LPGAT1: variants seen among roughly 807,000 people sequenced by gnomAD.
The protein encoded by LPGAT1 is acyl-CoA:lysophosphatidylglycerol acyltransferase 1.
In LPGAT1, 11 loss-of-function variants were observed where a neutral mutation model predicts 47.5. The ratio of observed to expected loss-of-function variants is 0.23; its 90% confidence interval spans 0.15 to 0.38. LPGAT1 has a LOEUF of 0.38. Among genes scored for constraint, LPGAT1 ranks in the 10% least tolerant of loss-of-function variants. The pLI is 1.00. For missense variants in LPGAT1, 293 were observed against 439.0 expected (o/e 0.67, Z 2.97); for synonymous variants, 138 against 144.2 (o/e 0.96, Z 0.31).
intron 2 of LPGAT1, among the ~76,000 whole-genome samples, chr1:211,817,389 T>C (rs1242718412): frequency 2.0e-5 from 3 of 152,206 alleles, no homozygotes; most frequent in East Asian, 1.9e-4. Flanking sequence ...CTGGCCAACA[T>C]GGCAAAACCT....
intron 6 of LPGAT1, among the ~76,000 whole-genome samples, chr1:211,778,449 C>T (rs1320076111): frequency 6.6e-6 from 1 of 152,026 alleles, no homozygotes; most frequent in Non-Finnish European, 1.5e-5. Context: ...ACCAGCAGCC[C>T]CCAGGGCTGT....
intron 2 of LPGAT1, among the ~76,000 whole-genome samples, chr1:211,809,856 A>C (rs957390466): frequency 2.0e-5 from 3 of 152,158 alleles, no homozygotes; most frequent in Admixed American, 6.6e-5. Context: ...AGAACAGACT[A>C]ATACAATTCC....
intron 6 of LPGAT1, among the ~76,000 whole-genome samples, chr1:211,769,383 G>C (rs1421238646): frequency 6.6e-6 from 1 of 152,156 alleles, no homozygotes; most frequent in Non-Finnish European, 1.5e-5. Context: ...TCAATAATGA[G>C]ATGGTAAAGG....
intron 7 of LPGAT1, among the ~76,000 whole-genome samples, chr1:211,750,290 T>C (rs1437659810): frequency 6.6e-6 from 1 of 152,220 alleles, no homozygotes; most frequent in African/African-American, 2.4e-5. Context: ...AATGAATAGC[T>C]GGCTCATGTG....
At chr1:211,750,291 G>A (rs1657121561) in intron 7 of LPGAT1, among the ~76,000 whole-genome samples, 1 of 152,084 alleles carries the variant, frequency 6.6e-6, no homozygotes. Context: ...ATGAATAGCT[G>A]GCTCATGTGC....
chr1:211,792,780 C>T lies in LPGAT1; in HGVS notation c.357+292G>A, dbSNP rs565730411. Among the ~76,000 whole-genome samples, 40 of 128,072 alleles carry T rather than the reference C, an allele frequency of 3.1e-4. No individual in the cohort carries two copies. In the South Asian group the frequency reaches 7.9e-3, roughly 25 times the overall value. The allele number at this position is 128,072 out of a possible 152,430, so 84.0% of individuals were successfully genotyped here. On this transcript the variant is annotated intron_variant, in intron 3 of 7. Coordinates refer to ENST00000366997, the MANE Select transcript of LPGAT1 (RefSeq NM_014873.3). Reference sequence around the variant, plus strand: ...AGGCTGGAGTACAGTGGCGTGATCTCGGCTCACTGCAATTTCTGCCTCCCG... The same window carrying T: ...AGGCTGGAGTACAGTGGCGTGATCTTGGCTCACTGCAATTTCTGCCTCCCG...
rs78376285 is a variant in LPGAT1, at chr1:211,830,149, G to C, written c.-28+424C>G. ...CGGTTTCCGCGGATGTGGAAGGGTC[G>C]TGGCGGCGGGCGCGGCCCGCGCGCC... On this transcript the variant is annotated intron_variant, in intron 1 of 7. Transcript: ENST00000366997. This position sits in a 1 kb window ranked among gnomAD's most constrained non-coding sequence, Gnocchi z 5.9. 8.1e-6 allele frequency: 8 copies of C among 983,648 alleles called. No homozygotes were observed. Among genetic ancestry groups the C allele is most frequent in the African/African-American group, 1.8e-5 (1 of 57,038 alleles). The allele number at this position is 983,648 out of a possible 1,614,324, so 60.9% of individuals were successfully genotyped here.
At chr1:211,809,136 T>C (rs12126742) in intron 2 of LPGAT1, among the ~76,000 whole-genome samples, 13,172 of 150,870 alleles carry the variant, frequency 0.087, 651 homozygotes, top group Admixed American at 0.15. Context: ...ACCTGGGAGG[T>C]GCAGCTTGCA....
intron 6 of LPGAT1, among the ~76,000 whole-genome samples, chr1:211,775,931 CAAAA>C (rs201006748): frequency 1.3e-5 from 1 of 77,256 alleles, no homozygotes; most frequent in Non-Finnish European, 2.7e-5. Context: ...AATGCCATCT[CAAAA>C]AAAAAAAAAA....
rs577821197 is a variant in LPGAT1, at chr1:211,758,090, C to T, written c.855-7023G>A. Among the ~76,000 whole-genome samples the T allele has an allele frequency of 2.6e-5, 4 of 152,324 alleles. No individual in the cohort carries two copies. The South Asian group carries it at 8.3e-4, about 32-fold the overall frequency. On this transcript the variant is annotated intron_variant, in intron 6 of 7. Transcript: ENST00000366997. ...ACCCTGCTGTATCTTGGCTCCTTGGCTGCAAAAGGCCAAACTCCTGCCATC... is the reference window on the plus strand; with the variant it reads ...ACCCTGCTGTATCTTGGCTCCTTGGTTGCAAAAGGCCAAACTCCTGCCATC...
chr1:211,822,919 T>C (rs567924948), intron 2 of LPGAT1, among the ~76,000 whole-genome samples: 7 of 152,322 alleles, frequency 4.6e-5, no homozygotes, highest in African/African-American at 1.4e-4. Flanking sequence ...TTAAGGAAGT[T>C]AGATTTTATG....
chr1:211,756,923 TTAAAA>T (rs1233382100), intron 6 of LPGAT1, among the ~76,000 whole-genome samples: 1 of 149,192 alleles, frequency 6.7e-6, no homozygotes, highest in Admixed American at 6.8e-5. Flanking sequence ...TTGGGCACAA[TTAAAA>T]TAATCCCAGA....
chr1:211,783,087 T>A (rs1230529750), intron 5 of LPGAT1, 142 bp downstream of exon 5: 1 of 773,858 alleles, frequency 1.3e-6, no homozygotes, highest in African/African-American at 1.8e-5. Flanking sequence ...AAATGGAAAC[T>A]TTTTTAAAAA....
intron 6 of LPGAT1, among the ~76,000 whole-genome samples, chr1:211,759,864 T>G (rs1259892511): frequency 2.6e-5 from 4 of 152,266 alleles, no homozygotes. Flanking sequence ...TATACAAATG[T>G]TCATTCATAT....
At chr1:211,801,308 A>G (rs1353077713) in intron 2 of LPGAT1, among the ~76,000 whole-genome samples, 3 of 152,192 alleles carry the variant, frequency 2.0e-5, no homozygotes, top group South Asian at 2.1e-4. Flanking sequence ...CTTTCCTTCC[A>G]TTAGTTTCCC....
intron 2 of LPGAT1, among the ~76,000 whole-genome samples, chr1:211,828,510 T>G (rs961149715): frequency 6.6e-6 from 1 of 152,250 alleles, no homozygotes; most frequent in South Asian, 2.1e-4. Context: ...ATTTTTTATA[T>G]TTAATACTCT....
chr1:211,756,372 T>C (rs917590859), intron 6 of LPGAT1, among the ~76,000 whole-genome samples: 1 of 152,162 alleles, frequency 6.6e-6, no homozygotes, highest in Non-Finnish European at 1.5e-5. Context: ...ACTCTGTCAC[T>C]CAGGCTGGAG....
intron 3 of LPGAT1, among the ~76,000 whole-genome samples, chr1:211,791,761 A>AC (rs751533753): frequency 0.15 from 19,152 of 127,826 alleles, 1,730 homozygotes; most frequent in Non-Finnish European, 0.17. Context: ...AAAAAAAAAA[A>AC]AAAACAAACA....
At chr1:211,812,379 A>T (rs1660019782) in intron 2 of LPGAT1, among the ~76,000 whole-genome samples, 1 of 152,226 alleles carries the variant, frequency 6.6e-6, no homozygotes, top group Admixed American at 6.5e-5. Context: ...ATGTAAGCAT[A>T]TGACACAGAG....
Sources: allele counts gnomAD v4.1 joint callset (sites outside exome capture counted in the v4.1 genomes callset), GRCh38; gene constraint gnomAD v4.1.1; non-coding constraint Gnocchi (gnomAD v3.1); transcripts MANE v1.5; gene names NCBI Gene and HGNC (gene_info 2026-07-23, HGNC 2026-07-21).